The following GRM8 variants were observed in gnomAD, a reference collection of about 807,000 sequenced individuals.
GRM8 encodes glutamate metabotropic receptor 8.
Under a neutral mutation model 87.2 loss-of-function variants are expected in GRM8, and 47 were observed. The observed-to-expected ratio is 0.54, with a 90% confidence interval of 0.43 to 0.69. The LOEUF is 0.69. Among genes scored for constraint, GRM8 ranks in the 30% least tolerant of loss-of-function variants. GRM8 has a pLI of 0.00. For synonymous variants in GRM8, 396 were observed against 404.5 expected (o/e 0.98, Z 0.25); for missense variants, 1,019 against 1,139.2 (o/e 0.89, Z 1.52).
intron 3 of GRM8, among the ~76,000 whole-genome samples, chr7:126,928,689 A>C (rs1202495041): frequency 6.6e-6 from 1 of 151,202 alleles, no homozygotes; most frequent in Non-Finnish European, 1.5e-5. Context: ...AAAAAAAAAA[A>C]GTGCAAGGCA....
chr7:126,793,089 A>G (rs1029758996), intron 6 of GRM8, among the ~76,000 whole-genome samples: 1 of 152,222 alleles, frequency 6.6e-6, no homozygotes, highest in African/African-American at 2.4e-5. Context: ...TGTGTTGAAC[A>G]TGATCATGCT....
At chr7:126,945,367 A>G (rs1807422242) in intron 3 of GRM8, among the ~76,000 whole-genome samples, 1 of 152,204 alleles carries the variant, frequency 6.6e-6, no homozygotes, top group African/African-American at 2.4e-5. Context: ...CTGTATTTTA[A>G]AACATTATTT....
chr7:126,890,908 C>T (rs1042154490), intron 6 of GRM8, among the ~76,000 whole-genome samples: 1 of 152,004 alleles, frequency 6.6e-6, no homozygotes, highest in Non-Finnish European at 1.5e-5. Context: ...GGATCTGTCT[C>T]ACCAAGTCCC....
intron 7 of GRM8, among the ~76,000 whole-genome samples, chr7:126,642,325 T>C (rs111303499): frequency 6.6e-5 from 10 of 152,282 alleles, no homozygotes; most frequent in African/African-American, 2.4e-4. Flanking sequence ...CTAATTGTGA[T>C]TTAAAATGTC....
At chr7:126,794,918 C>T (rs1027239070) in intron 6 of GRM8, among the ~76,000 whole-genome samples, 3 of 152,166 alleles carry the variant, frequency 2.0e-5, no homozygotes, top group Non-Finnish European at 4.4e-5. Context: ...TTATACTCAC[C>T]TGGAAAATTT....
chr7:127,022,190 C>G (rs1360197011), intron 3 of GRM8, among the ~76,000 whole-genome samples: 1 of 149,134 alleles, frequency 6.7e-6, no homozygotes, highest in Non-Finnish European at 1.5e-5. Flanking sequence ...TTTTCCAATA[C>G]AAATTTTATT....
In GRM8 at chr7:126,533,855, A is replaced by T. The variant is rs1815250690; in HGVS notation, c.1527T>A (p.His509Gln). 1.2e-6 allele frequency: 2 copies of T among 1,613,714 alleles called. No homozygotes were observed. The highest frequency in any genetic ancestry group is 1.7e-6 in the Non-Finnish European group (2 of 1,179,830). ...GGCTGCAGACAGACGCCGGGTGAGT[A>T]TGTTCTCTATGAGCCCACTGCATGT... is the stretch of plus-strand genomic sequence containing the variant. Reference protein sequence around the residue: ...VEDMQWAHREHTHPASVCSLP... With the variant: ...VEDMQWAHREQTHPASVCSLP... The change falls in exon 9 of 11, where the codon CAT becomes CAA. Residue 509 changes from histidine to glutamine, a missense_variant. Physicochemically the swap from His to Gln is conservative, Grantham distance 24 (BLOSUM62 0). Transcript: ENST00000339582.
chr7:127,086,809 A>G (rs771043822), intron 3 of GRM8, among the ~76,000 whole-genome samples: 2 of 152,210 alleles, frequency 1.3e-5, no homozygotes, highest in African/African-American at 2.4e-5. Flanking sequence ...TAGCATAAAT[A>G]AAAGAAACCA....
chr7:126,664,945 T>C (rs1393683623), intron 7 of GRM8, among the ~76,000 whole-genome samples: 1 of 152,062 alleles, frequency 6.6e-6, no homozygotes, highest in African/African-American at 2.4e-5. Flanking sequence ...ATAACTCCAC[T>C]AAACAGTGGG....
intron 3 of GRM8, among the ~76,000 whole-genome samples, chr7:126,982,748 G>A (rs965501690): frequency 2.6e-5 from 4 of 152,194 alleles, no homozygotes; most frequent in African/African-American, 4.8e-5. Flanking sequence ...CGTGGTCATA[G>A]CTGGTATTGA....
At chr7:126,624,117 C>T (rs1019988484) in intron 7 of GRM8, among the ~76,000 whole-genome samples, 21 of 152,214 alleles carry the variant, frequency 1.4e-4, no homozygotes, top group African/African-American at 5.1e-4. Flanking sequence ...AACAACAATC[C>T]ACTCTCTACC....
At chr7:127,244,122 T>A (rs1056609969) in intron 1 of GRM8, among the ~76,000 whole-genome samples, 2 of 152,228 alleles carry the variant, frequency 1.3e-5, no homozygotes, top group Non-Finnish European at 2.9e-5. Flanking sequence ...AATTGTCTTA[T>A]TCTCTGGTAA....
At chr7:126,788,808 G>A (rs1820962315) in intron 6 of GRM8, among the ~76,000 whole-genome samples, 2 of 147,892 alleles carry the variant, frequency 1.4e-5, no homozygotes, top group South Asian at 4.2e-4. Context: ...AAAAACCTCA[G>A]AGACAGAAAA....
Position 126,893,501 on chromosome 7 carries a change from C to T in GRM8, c.1156+9041G>A, listed in dbSNP as rs568853841. 6.6e-5 allele frequency among the ~76,000 whole-genome samples: 10 copies of T among 151,986 alleles called. No homozygotes were observed. In the East Asian group the frequency reaches 1.9e-3, roughly 29 times the overall value. On this transcript the variant is annotated intron_variant, in intron 6 of 10. Coordinates refer to ENST00000339582, the MANE Select transcript of GRM8 (RefSeq NM_000845.3). ...ATTAAAATATTTATCAAATGCATGC[C>T]AAGCTAGGCACCATGCATCATATCT...
chr7:126,670,641 T>G (rs1180275070), intron 7 of GRM8, among the ~76,000 whole-genome samples: 1 of 152,190 alleles, frequency 6.6e-6, no homozygotes, highest in African/African-American at 2.4e-5. Context: ...TCTGATAACT[T>G]TAGAGACTGT....
chr7:126,835,402 G>C (rs563148035), intron 6 of GRM8, among the ~76,000 whole-genome samples: 5 of 152,140 alleles, frequency 3.3e-5, no homozygotes, highest in Non-Finnish European at 7.3e-5. Flanking sequence ...GAAATTGCCT[G>C]TGTCAATGAT....
At chr7:127,181,059 T>C (rs1435319786) in intron 2 of GRM8, among the ~76,000 whole-genome samples, 1 of 152,108 alleles carries the variant, frequency 6.6e-6, no homozygotes, top group Non-Finnish European at 1.5e-5. Flanking sequence ...AAACTGTCAC[T>C]GTTTGCTGAT....
chr7:126,643,364 G>T (rs1802689168), intron 7 of GRM8, among the ~76,000 whole-genome samples: 1 of 76,368 alleles, frequency 1.3e-5, no homozygotes, highest in Non-Finnish European at 2.4e-5. Flanking sequence ...ATAGTTTGAA[G>T]CAATGATCAC....
intron 2 of GRM8, among the ~76,000 whole-genome samples, chr7:127,176,532 C>A (rs1326667991): frequency 6.6e-6 from 1 of 152,166 alleles, no homozygotes; most frequent in South Asian, 2.1e-4. Context: ...GAAGCTCACA[C>A]TGTGAATTTT....
Sources: gnomAD v4.1 joint callset for allele counts (sites outside exome capture counted in the v4.1 genomes callset) on GRCh38, gnomAD v4.1.1 for gene constraint, MANE v1.5 for transcripts, NCBI Gene and HGNC (gene_info 2026-07-23, HGNC 2026-07-21) for gene names.